Variants in APBB2 observed in about 807,000 individuals in gnomAD.
The protein encoded by APBB2 is amyloid beta precursor protein binding family B member 2, also known as Fe65-like 1.
A neutral mutation model predicts 82.5 loss-of-function variants in APBB2; 38 were observed. The ratio of observed to expected loss-of-function variants is 0.46; its 90% CI spans 0.36 to 0.60. The LOEUF (loss-of-function observed/expected upper bound fraction) is 0.60, where lower values mean the gene tolerates loss of function less well. APBB2 is among the 20% of genes least tolerant of loss of function. APBB2 has a pLI of 0.00. For missense variants in APBB2, 772 were observed against 972.3 expected, an observed-to-expected ratio of 0.79 and a Z score of 2.74; for synonymous variants, 341 against 368.2, an observed-to-expected ratio of 0.93 and a Z score of 0.85.
chr4:40,866,531 C>T (rs779272675), intron 12 of APBB2, among the ~76,000 whole-genome samples: 1 of 152,076 alleles, frequency 6.6e-6, no homozygotes, highest in African/African-American at 2.4e-5. Flanking sequence ...CCTATGTGCC[C>T]TCATGCCCTA....
At chr4:41,182,305 C>T (rs1771645947) in intron 1 of APBB2, among the ~76,000 whole-genome samples, 1 of 152,202 alleles carries the variant, frequency 6.6e-6, no homozygotes, top group Non-Finnish European at 1.5e-5. Context: ...AGCCAATGGT[C>T]AATTTGAACC....
At chr4:40,981,268 T>C (rs1680523055) in intron 6 of APBB2, among the ~76,000 whole-genome samples, 1 of 151,850 alleles carries the variant, frequency 6.6e-6, no homozygotes, top group Non-Finnish European at 1.5e-5. Flanking sequence ...CTGGGTGTGG[T>C]AGCACACGAC....
chr4:41,013,809 A>G lies in APBB2; in HGVS notation c.609T>C (p.Asn203=). 1 of 1,614,198 alleles carries G rather than the reference A, an allele frequency of 6.2e-7. No homozygotes were observed. The change falls in exon 6 of 18, where the codon AAT becomes AAC. Residue 203 remains asparagine (N), a synonymous_variant. Coordinates refer to ENST00000508593, the MANE Select transcript of APBB2 (RefSeq NM_004307.2). ...TTGGTTTCTGCAGCAGCAAATCGCCATTCCCAATGATGGTGGAGGCCTGGC... is the reference window on the plus strand; with the variant it reads ...TTGGTTTCTGCAGCAGCAAATCGCCGTTCCCAATGATGGTGGAGGCCTGGC... ...VQGQASTIIG[N]GDLLLQKPNR...
At chr4:41,180,671 T>C (rs185868765) in intron 1 of APBB2, among the ~76,000 whole-genome samples, 237 of 152,038 alleles carry the variant, frequency 1.6e-3, no homozygotes, top group Admixed American at 2.6e-3. Context: ...CAAAAACTAC[T>C]AAACAGTAAA....
intron 1 of APBB2, among the ~76,000 whole-genome samples, chr4:41,168,463 T>C (rs1163771947): frequency 2.6e-5 from 4 of 152,024 alleles, no homozygotes; most frequent in Admixed American, 2.0e-4. Flanking sequence ...CTCAGCATCC[T>C]GAGTAGCTGG....
chr4:41,078,335 G>A (rs1007657737), intron 3 of APBB2, among the ~76,000 whole-genome samples: 4 of 152,182 alleles, frequency 2.6e-5, no homozygotes, highest in African/African-American at 7.2e-5. Context: ...ATGCAAATCC[G>A]TGGGCAAGAA....
At chr4:41,032,885 C>T (rs1579406685) in intron 5 of APBB2, among the ~76,000 whole-genome samples, 2 of 138,102 alleles carry the variant, frequency 1.4e-5, no homozygotes, top group African/African-American at 5.2e-5. Context: ...CCCGGGTTCA[C>T]GCCATTCTCC....
intron 10 of APBB2, among the ~76,000 whole-genome samples, chr4:40,914,265 T>C (rs1250902232): frequency 2.0e-5 from 3 of 151,950 alleles, no homozygotes; most frequent in Admixed American, 1.3e-4. Flanking sequence ...CCCAGCTACT[T>C]GGGAGGCCGA....
intron 5 of APBB2, among the ~76,000 whole-genome samples, chr4:41,027,364 C>CACATATAT (rs1231769191): frequency 1.6e-5 from 2 of 127,416 alleles, no homozygotes; most frequent in African/African-American, 5.9e-5. Flanking sequence ...CATATTGTTA[C>CACATATAT]ATATATATAT....
intron 1 of APBB2, among the ~76,000 whole-genome samples, chr4:41,206,973 A>G (rs1015136924): frequency 4.6e-5 from 7 of 152,026 alleles, no homozygotes; most frequent in African/African-American, 1.4e-4. Context: ...TGAGGCGGGC[A>G]GATCACTTGA....
chr4:41,164,295 T>G (rs1193756983), intron 1 of APBB2, among the ~76,000 whole-genome samples: 1 of 152,234 alleles, frequency 6.6e-6, no homozygotes, highest in Non-Finnish European at 1.5e-5. Context: ...TTTTGGATTT[T>G]GGAGCACTTC....
chr4:41,114,553 G>T (rs1410472725), intron 2 of APBB2, among the ~76,000 whole-genome samples: 1 of 152,190 alleles, frequency 6.6e-6, no homozygotes, highest in Non-Finnish European at 1.5e-5. Flanking sequence ...CAGATGACAT[G>T]ATTGTGTATT....
In APBB2 at chr4:41,127,285, G is replaced by A. The variant is rs1439292594; in HGVS notation, c.-261+15702C>T. ...TTTGGGGAAACCCAAAGATTTCTAA[G>A]CACCAGTTGCCAGTCCACATTTTAT... On this transcript the variant is annotated intron_variant, in intron 2 of 17. Coordinates refer to ENST00000508593, the MANE Select transcript of APBB2 (RefSeq NM_004307.2). This position sits in a 1 kb window ranked among gnomAD's most constrained non-coding sequence, Gnocchi z 4.8. Among the ~76,000 whole-genome samples the A allele has an allele frequency of 1.3e-5, 2 of 151,950 alleles. No individual in the cohort carries two copies. Among genetic ancestry groups the A allele is most frequent in the African/African-American group, 4.8e-5 (2 of 41,338 alleles).
intron 4 of APBB2, among the ~76,000 whole-genome samples, chr4:41,037,791 G>T (rs1459852119): frequency 6.6e-6 from 1 of 152,096 alleles, no homozygotes; most frequent in African/African-American, 2.4e-5. Flanking sequence ...TGGCTGAGGC[G>T]GGTGGATTAC....
chr4:41,191,092 C>G (rs903809464), intron 1 of APBB2, among the ~76,000 whole-genome samples: 51 of 152,174 alleles, frequency 3.4e-4, no homozygotes, highest in African/African-American at 1.1e-3. Flanking sequence ...TCAAAAACAT[C>G]TCAATGACAG....
intron 6 of APBB2, among the ~76,000 whole-genome samples, chr4:40,961,283 C>T (rs973820231): frequency 6.6e-6 from 1 of 152,052 alleles, no homozygotes; most frequent in African/African-American, 2.4e-5. Flanking sequence ...GAAACAGCTT[C>T]TAATGGATTA....
chr4:40,974,439 T>C (rs926872892), intron 6 of APBB2, among the ~76,000 whole-genome samples: 1 of 152,178 alleles, frequency 6.6e-6, no homozygotes, highest in Non-Finnish European at 1.5e-5. Context: ...GCAATACATG[T>C]GTGCTCAAAC....
chr4:40,959,275 G>A (rs998862759), intron 6 of APBB2, among the ~76,000 whole-genome samples: 2 of 152,158 alleles, frequency 1.3e-5, no homozygotes, highest in South Asian at 2.1e-4. Context: ...ACAACCAGGG[G>A]CATGAATCTT....
chr4:41,062,157 C>CTTATTTATTTATTTATTTAT (rs139030241), intron 4 of APBB2, among the ~76,000 whole-genome samples: 2 of 149,258 alleles, frequency 1.3e-5, no homozygotes, highest in Non-Finnish European at 3.0e-5. Flanking sequence ...ACAAGCAAAT[C>CTTATTTATTTATTTATTTAT]TTATTTATTT....
Sources: allele counts gnomAD v4.1 joint callset (sites outside exome capture counted in the v4.1 genomes callset), GRCh38; gene constraint gnomAD v4.1.1; non-coding constraint Gnocchi (gnomAD v3.1); transcripts MANE v1.5; gene names NCBI Gene and HGNC (gene_info 2026-07-23, HGNC 2026-07-21).